The following XKR4 variants were observed in gnomAD, a reference collection of about 807,000 sequenced individuals.
XKR4 encodes XK-related protein 4.
A neutral mutation model predicts 53.9 loss-of-function variants in XKR4; 12 were observed. That is an observed-to-expected ratio of 0.22 (90% CI 0.14 to 0.36). The LOEUF is 0.36. XKR4 is among the 10% of genes least tolerant of loss of function. The pLI, the probability that XKR4 is intolerant of heterozygous loss-of-function variation, is 1.00. For missense variants in XKR4, 799 were observed against 859.5 expected (o/e 0.93, Z 0.88); for synonymous variants, 354 against 362.4 (o/e 0.98, Z 0.26).
intron 2 of XKR4, among the ~76,000 whole-genome samples, chr8:55,425,107 T>A (rs1382745129): frequency 3.3e-5 from 5 of 152,252 alleles, no homozygotes; most frequent in African/African-American, 1.2e-4. Flanking sequence ...AGCCCTATTG[T>A]CTTAACTCCA....
intron 2 of XKR4, among the ~76,000 whole-genome samples, chr8:55,449,110 T>A (rs975906771): frequency 6.6e-6 from 1 of 151,908 alleles, no homozygotes; most frequent in African/African-American, 2.4e-5. Context: ...TATAAAATTG[T>A]CGAAAATTGA....
intron 2 of XKR4, among the ~76,000 whole-genome samples, chr8:55,521,660 A>T (rs1223888157): frequency 5.3e-5 from 8 of 152,184 alleles, no homozygotes; most frequent in Non-Finnish European, 1.0e-4. Flanking sequence ...GCTCTTAGAA[A>T]ATATTTTCCT....
intron 2 of XKR4, among the ~76,000 whole-genome samples, chr8:55,477,128 T>A (rs1217031470): frequency 6.6e-6 from 1 of 151,992 alleles, no homozygotes; most frequent in African/African-American, 2.4e-5. Flanking sequence ...GCAGCCTAAC[T>A]GGGAGGCACT....
intron 2 of XKR4, among the ~76,000 whole-genome samples, chr8:55,407,586 A>G (rs1484471616): frequency 3.3e-5 from 5 of 152,136 alleles, no homozygotes; most frequent in Admixed American, 2.6e-4. Flanking sequence ...CGGGCTCAAC[A>G]TCGGCTCCAC....
chr8:55,216,727 C>CAAAAAAAAAAAAAAAAAAAAAA (rs35682640), intron 1 of XKR4, among the ~76,000 whole-genome samples: 1 of 101,096 alleles, frequency 9.9e-6, no homozygotes, highest in Non-Finnish European at 1.9e-5. Flanking sequence ...AATTGCATCT[C>CAAAAAAAAAAAAAAAAAAAAAA]AAAAAAAAAA....
intron 2 of XKR4, among the ~76,000 whole-genome samples, chr8:55,455,333 G>T (rs1012026450): frequency 1.6e-4 from 25 of 152,120 alleles, no homozygotes; most frequent in African/African-American, 5.3e-4. Flanking sequence ...GGCTGTTCTT[G>T]AAAATGTTAT....
At position 55,289,721 on chromosome 8, in the gene XKR4, A is replaced by G. The variant is rs1818972964; in HGVS notation, c.807-67957A>G. Among the ~76,000 whole-genome samples, 3 of 54,728 alleles carry G rather than the reference A, an allele frequency of 5.5e-5. 1 individual carries two copies. Among genetic ancestry groups the G allele is most frequent in the Admixed American group, 1.7e-4 (1 of 6,008 alleles). 35.9% of individuals were successfully genotyped at this position (54,728 alleles called of 152,430 possible). ...AGAAAGAAAGAAAGAAAGAGAGAGA[A>G]AGAGAAAGAAAGAAAGAAAGAAAAA... On this transcript the variant is annotated intron_variant, in intron 1 of 2. Transcript: ENST00000327381.
intron 2 of XKR4, among the ~76,000 whole-genome samples, chr8:55,497,916 G>C (rs60699230): frequency 0.053 from 8,011 of 152,022 alleles, 600 homozygotes; most frequent in East Asian, 0.28. Flanking sequence ...CCCTACACCA[G>C]TGGCCCGGGA....
chr8:55,467,591 T>C (rs1163542674), intron 2 of XKR4, among the ~76,000 whole-genome samples: 1 of 152,136 alleles, frequency 6.6e-6, no homozygotes, highest in African/African-American at 2.4e-5. Context: ...TGCCAGATTT[T>C]CTGAAGAACG....
At chr8:55,336,982 G>A (rs182559079) in intron 1 of XKR4, among the ~76,000 whole-genome samples, 24 of 152,074 alleles carry the variant, frequency 1.6e-4, no homozygotes, top group Admixed American at 1.5e-3. Flanking sequence ...AACTTGCAAG[G>A]GTTTTTTTGG....
intron 2 of XKR4, chr8:55,452,608 T>C: frequency 9.0e-7 from 1 of 1,106,572 alleles, no homozygotes; most frequent in Non-Finnish European, 1.4e-6. Context: ...TTAATGTTTA[T>C]CTGGACGATG....
chr8:55,475,408 TG>T (rs1805965846), intron 2 of XKR4, among the ~76,000 whole-genome samples: 2 of 151,648 alleles, frequency 1.3e-5, no homozygotes, highest in Non-Finnish European at 2.9e-5. Flanking sequence ...TTGTTGTTGT[TG>T]TTGTTGTTAG....
intron 2 of XKR4, among the ~76,000 whole-genome samples, chr8:55,516,565 T>C (rs767171934): frequency 6.6e-6 from 1 of 152,168 alleles, no homozygotes; most frequent in Non-Finnish European, 1.5e-5. Context: ...AGGGAAATGA[T>C]ATGAGAAAAG....
chr8:55,437,407 G>T (rs976751697), intron 2 of XKR4, among the ~76,000 whole-genome samples: 1 of 152,076 alleles, frequency 6.6e-6, no homozygotes. Context: ...TTGAATCAGG[G>T]TTAAGTAGAG....
chr8:55,443,289 A>G (rs952366881), intron 2 of XKR4, among the ~76,000 whole-genome samples: 1 of 151,994 alleles, frequency 6.6e-6, no homozygotes, highest in African/African-American at 2.4e-5. Flanking sequence ...TCAGGTTAAT[A>G]CTTTTGAATA....
intron 1 of XKR4, among the ~76,000 whole-genome samples, chr8:55,325,201 C>A (rs1219065212): frequency 6.6e-6 from 1 of 152,060 alleles, no homozygotes; most frequent in Non-Finnish European, 1.5e-5. Context: ...AAAGAATAGA[C>A]CATTTGGAAG....
Position 55,317,738 on chromosome 8 carries a change from G to A in XKR4, c.807-39940G>A, listed in dbSNP as rs1020110237. On this transcript the variant is annotated intron_variant, in intron 1 of 2. Transcript: ENST00000327381. ...CCACTGTGGACAACTCAGGCAGGAC[G>A]TGGTCAACAAAAGCATGATGTCAAG... is the stretch of plus-strand genomic sequence containing the variant. Among the ~76,000 whole-genome samples, 8 of 152,204 alleles carry A rather than the reference G, an allele frequency of 5.3e-5. 1 individual carries two copies. The highest frequency in any genetic ancestry group is 3.9e-4 in the Admixed American group (6 of 15,288).
intron 2 of XKR4, among the ~76,000 whole-genome samples, chr8:55,418,221 G>C (rs571251525): frequency 6.6e-6 from 1 of 152,122 alleles, no homozygotes; most frequent in Non-Finnish European, 1.5e-5. Flanking sequence ...TCATGGAGGG[G>C]GTGTGGATAG....
chr8:55,446,477 G>C (rs1250100751), intron 2 of XKR4, among the ~76,000 whole-genome samples: 1 of 152,098 alleles, frequency 6.6e-6, no homozygotes, highest in Non-Finnish European at 1.5e-5. Flanking sequence ...GAGTAGCTGG[G>C]ATTACAGGTG....
Sources: gnomAD v4.1 joint callset for allele counts (sites outside exome capture counted in the v4.1 genomes callset) on GRCh38, gnomAD v4.1.1 for gene constraint, MANE v1.5 for transcripts, NCBI Gene and HGNC (gene_info 2026-07-23, HGNC 2026-07-21) for gene names.